The following TSPAN4 variants were observed in gnomAD, a reference collection of about 807,000 sequenced individuals.
TSPAN4 encodes tetraspanin-4.
TSPAN4 carries 38 observed loss-of-function variants against 31.5 expected under a neutral mutation model. The observed-to-expected ratio is 1.21, with a 90% CI of 0.93 to 1.58. The LOEUF is 1.58. Ranked by LOEUF, TSPAN4 falls within the 40% of genes most tolerant of loss-of-function variation. The probability of loss-of-function intolerance (pLI) is 0.00; values close to 1 mark genes in which losing one functional copy is unlikely to be tolerated. For synonymous variants in TSPAN4, 186 were observed against 144.6 expected, an observed-to-expected ratio of 1.29 and a Z score of -2.06; for missense variants, 330 against 317.3, an observed-to-expected ratio of 1.04 and a Z score of -0.30.
intron 2 of TSPAN4, chr11:849,076 C>G (rs1268432217): frequency 1.7e-6 from 1 of 574,862 alleles, no homozygotes; most frequent in African/African-American, 1.9e-5. Flanking sequence ...ATCAAGCCAG[C>G]TGGGGTGGGT....
At chr11:844,415 C>T (rs1238212246) in intron 1 of TSPAN4, 1 of 152,382 alleles carries the variant, frequency 6.6e-6, no homozygotes, top group African/African-American at 2.4e-5. Context: ...CCTATCCCTC[C>T]ATTTCCCAGC....
chr11:850,184 G>A (rs1847585533), intron 2 of TSPAN4, 104 bp from the exon 3 acceptor site: 3 of 955,926 alleles, frequency 3.1e-6, no homozygotes, highest in Non-Finnish European at 4.6e-6. Flanking sequence ...TCTTCGGCCT[G>A]CACGCGAACC....
In TSPAN4 at chr11:862,838, G is replaced by T. The variant is rs548862951; in HGVS notation, c.255+97G>T. The stretch of plus-strand genomic sequence containing the variant: ...TGGCTGCCGCAGTGACCCCCCAGAC[G>T]TGGGCACCACCTCTGGGGCCGGACC... On this transcript the variant is annotated intron_variant, in intron 4 of 8. Coordinates refer to ENST00000397397, the MANE Select transcript of TSPAN4 (RefSeq NM_003271.5). 4.9e-5 allele frequency: 64 copies of T among 1,305,130 alleles called. No homozygotes were observed. In the African/African-American group the frequency reaches 7.5e-4, roughly 15 times the overall value. 80.8% of individuals were successfully genotyped at this position (1,305,130 alleles called of 1,614,324 possible).
chr11:863,079 G>A (rs958159467), intron 4 of TSPAN4: 7 of 198,916 alleles, frequency 3.5e-5, no homozygotes, highest in South Asian at 1.7e-4. Context: ...ACGGGCTTGC[G>A]GTCTCCGTGA....
chr11:867,096 A>G lies in TSPAN4; in HGVS notation c.*466A>G, dbSNP rs1376130179. On this transcript the variant is annotated 3_prime_UTR_variant, in exon 9 of 9. Transcript: ENST00000397397. The stretch of plus-strand genomic sequence containing the variant: ...CGTGGGGCTCCTGGTGCATCTTAAT[A>G]AAGTGTGAGCAGCAACCTTGCGTCT... 6.3e-6 allele frequency: 1 copy of G among 157,756 alleles called. No homozygotes were observed. The allele number at this position is 157,756 out of a possible 1,614,324, so 9.8% of individuals were successfully genotyped here. A position where few individuals can be genotyped will look rare whatever the true frequency, so the allele number is the denominator to read the frequency against.
chr11:864,531 A>G lies in TSPAN4; in HGVS notation c.330+20A>G. On this transcript the variant is annotated intron_variant, in intron 5 of 8. Transcript: ENST00000397397. ...GACAAGGTACGGCTGCCTTGGCCGC[A>G]GGCCCAACTGCAGGGCTGGGGGCTC... is the stretch of plus-strand genomic sequence containing the variant. 1.2e-6 allele frequency: 2 copies of G among 1,610,836 alleles called. No individual in the cohort carries two copies. The highest frequency in any genetic ancestry group is 1.7e-6 in the Non-Finnish European group (2 of 1,179,734).
At chr11:850,402 G>T (rs759277799) in intron 3 of TSPAN4, 35 bp downstream of exon 3, 2 of 1,577,610 alleles carry the variant, frequency 1.3e-6, no homozygotes, top group African/African-American at 2.7e-5. Flanking sequence ...GCCCGGGAAA[G>T]ACCCGGGGTC....
intron 2 of TSPAN4, among the ~76,000 whole-genome samples, chr11:849,218 G>A (rs1407043503): frequency 6.6e-6 from 1 of 152,082 alleles, no homozygotes; most frequent in African/African-American, 2.4e-5. Flanking sequence ...CTGCCTGGTG[G>A]AGGGGGGGTG....
At chr11:852,973 G>A (rs1327870538) in intron 3 of TSPAN4, among the ~76,000 whole-genome samples, 1 of 152,218 alleles carries the variant, frequency 6.6e-6, no homozygotes, top group Non-Finnish European at 1.5e-5. Context: ...CCAGTGACCA[G>A]AGCCGTGGGC....
chr11:846,689 G>A (rs928365945), intron 1 of TSPAN4, among the ~76,000 whole-genome samples: 25 of 152,144 alleles, frequency 1.6e-4, no homozygotes, highest in African/African-American at 5.3e-4. Flanking sequence ...TAGGGAGGGC[G>A]TGAGGCCCCT....
intron 3 of TSPAN4, chr11:857,978 T>G (rs1848155178): frequency 6.6e-6 from 1 of 152,382 alleles, no homozygotes; most frequent in South Asian, 2.1e-4. Context: ...TCAGGCCGTT[T>G]GTGGGTCCCC....
At chr11:860,142 C>T (rs1299656301) in intron 3 of TSPAN4, among the ~76,000 whole-genome samples, 2 of 152,244 alleles carry the variant, frequency 1.3e-5, no homozygotes, top group African/African-American at 2.4e-5. Context: ...AGCGGAGATG[C>T]TACCTCTGGA....
At position 865,520 on chromosome 11, in the gene TSPAN4, G is replaced by C. The variant is rs1467033442; in HGVS notation, c.338G>C (p.Arg113Thr). Residue 113 changes from arginine (R) to threonine (T), a missense_variant, in exon 6 of 9, where the codon AGG becomes ACG. Arg to Thr is a moderately conservative substitution (Grantham distance 71, BLOSUM62 -1). Coordinates refer to ENST00000397397, the MANE Select transcript of TSPAN4 (RefSeq NM_003271.5). ...CCCCCCCCGCACCCCCAGATTGACA[G>C]GTATGCCCAGCAAGACCTGAAGAAA... ...LFFAYTDKID[R>T]YAQQDLKKGL... 1 of 1,611,242 alleles carries C rather than the reference G, an allele frequency of 6.2e-7. No individual in the cohort carries two copies. The highest frequency in any genetic ancestry group is 8.5e-7 in the Non-Finnish European group (1 of 1,179,670).
intron 1 of TSPAN4, chr11:843,366 C>G (rs1162828763): frequency 6.6e-6 from 1 of 152,112 alleles, no homozygotes; most frequent in African/African-American, 2.4e-5. Context: ...GCTGGCTGCT[C>G]GCCGTCCCGA....
At chr11:858,209 GGACACCT>G (rs1424683873) in intron 3 of TSPAN4, 1 of 152,574 alleles carries the variant, frequency 6.6e-6, no homozygotes, top group Non-Finnish European at 1.5e-5. Context: ...ATGTTACGAG[GGACACCT>G]CTCCAAAGGG....
At chr11:862,242 T>G in intron 3 of TSPAN4, 2 of 372,164 alleles carry the variant, frequency 5.4e-6, no homozygotes, top group East Asian at 4.7e-5. Context: ...TCCCGTCCCT[T>G]TGGCTCCAGG....
rs1847542032 is a variant in TSPAN4, at chr11:849,826, G to GGCGCGGGGGCCGCA, written c.-17-456_-17-443dup. The stretch of plus-strand genomic sequence containing the variant: ...GCGGGGCGGGGCGCGCGGGGTCGGG[G>GGCGCGGGGGCCGCA]GCGCGGGGGCCGCAGCGCGCGGGCC... On this transcript the variant is annotated intron_variant, in intron 2 of 8. Transcript: ENST00000397397. 3 of 147,252 alleles carry GGCGCGGGGGCCGCA rather than the reference G, an allele frequency of 2.0e-5. No homozygotes were observed. In the East Asian group the frequency reaches 5.9e-4, roughly 29 times the overall value. The allele number at this position is 147,252 out of a possible 1,614,324, so 9.1% of individuals were successfully genotyped here.
chr11:862,671 C>T lies in TSPAN4; in HGVS notation c.185C>T (p.Ala62Val). ...GCCAACTTGCTCATCATCACCGGCG[C>T]CTTTGTCATGGCCATCGGCTTCGTG... ...SAANLLIITG[A>V]FVMAIGFVGC... The change falls in exon 4 of 9, where the codon GCC becomes GTC. Residue 62 changes from alanine (A) to valine (V), a missense_variant. Ala to Val is a moderately conservative substitution (Grantham distance 64, BLOSUM62 0). Transcript: ENST00000397397. 1.2e-6 allele frequency: 2 copies of T among 1,613,316 alleles called. No homozygotes were observed. Among genetic ancestry groups the T allele is most frequent in the Non-Finnish European group, 1.7e-6 (2 of 1,179,862 alleles).
chr11:854,347 G>T (rs1183915131), intron 3 of TSPAN4, among the ~76,000 whole-genome samples: 1 of 152,184 alleles, frequency 6.6e-6, no homozygotes, highest in African/African-American at 2.4e-5. Context: ...AGTCCCACCT[G>T]CCAGTGCGGG....
Sources: allele counts gnomAD v4.1 joint callset (sites outside exome capture counted in the v4.1 genomes callset), GRCh38; gene constraint gnomAD v4.1.1; transcripts MANE v1.5; gene names NCBI Gene and HGNC (gene_info 2026-07-23, HGNC 2026-07-21).